Variants in UPRT observed in about 807,000 individuals in gnomAD.
UPRT encodes RP11-311P8.3.
UPRT carries 5 observed loss-of-function variants against 22.6 expected under a neutral mutation model. The ratio of observed to expected loss-of-function variants is 0.22; its 90% CI spans 0.12 to 0.47. The LOEUF (loss-of-function observed/expected upper bound fraction) is 0.47. Ranked by LOEUF, UPRT falls within the 20% of genes least tolerant of loss-of-function variation. UPRT has a pLI of 0.99. For missense variants in UPRT, 181 were observed against 239.9 expected (o/e 0.75, Z 1.62); for synonymous variants, 77 against 87.7 (o/e 0.88, Z 0.68).
chrX:75,196,561 A>G (rs889576984), intron 4 of UPRT, among the ~76,000 whole-genome samples: 1 of 112,289 alleles, frequency 8.9e-6, no homozygotes, highest in Non-Finnish European at 1.9e-5. Context: ...ATAATAATAG[A>G]AAGAGGCCGA....
rs59522302 is a variant in UPRT at position 75,180,681 on chromosome X, G to GTTTTTTTTTTTTTTT, written c.-447+12815_-447+12816insTTTTTTTTTTTTTTT. On this transcript the variant is annotated intron_variant, in intron 4 of 13. Transcript: ENST00000652605. ...GTCTTCCATCTTCCCCCTTTTCTCT[G>GTTTTTTTTTTTTTTT]TTTTTTTTTTTTTGTTTTTTTTTTT... Among the ~76,000 whole-genome samples, 4 of 43,902 alleles carry GTTTTTTTTTTTTTTT rather than the reference G, an allele frequency of 9.1e-5. 1 individual carries two copies. Among genetic ancestry groups the GTTTTTTTTTTTTTTT allele is most frequent in the African/African-American group, 2.8e-4 (3 of 10,887 alleles). The allele number at this position is 43,902 out of a possible 115,157, so 38.1% of individuals were successfully genotyped here. A position where few individuals can be genotyped will look rare whatever the true frequency, so the allele number is the denominator to read the frequency against.
chrX:75,222,285 C>T (rs536353701), intron 4 of UPRT, among the ~76,000 whole-genome samples: 8 of 111,888 alleles, frequency 7.2e-5, no homozygotes, highest in African/African-American at 2.3e-4. Context: ...TGGATGAGAA[C>T]TGAAGCCAGC....
At chrX:75,171,322 C>T (rs949407294) in intron 4 of UPRT, among the ~76,000 whole-genome samples, 7 of 111,381 alleles carry the variant, frequency 6.3e-5, no homozygotes, top group Non-Finnish European at 1.1e-4. Flanking sequence ...AAAGCCTTGT[C>T]TTCGAGCTCT....
At chrX:75,197,816 GAA>G (rs1467162495) in intron 4 of UPRT, among the ~76,000 whole-genome samples, 1 of 112,108 alleles carries the variant, frequency 8.9e-6, no homozygotes, top group Non-Finnish European at 1.9e-5. Context: ...GGCTAAAATT[GAA>G]AAGACTAAAA....
intron 4 of UPRT, among the ~76,000 whole-genome samples, chrX:75,227,633 C>T (rs1481683647): frequency 2.7e-5 from 3 of 112,449 alleles, no homozygotes; most frequent in Admixed American, 9.4e-5. Flanking sequence ...AATTCTTTTT[C>T]ATGGGGTACC....
At chrX:75,290,268 C>T (rs1184750903) in intron 1 of UPRT, among the ~76,000 whole-genome samples, 1 of 111,568 alleles carries the variant, frequency 9.0e-6, no homozygotes, top group African/African-American at 3.3e-5. Context: ...ATCTCACACC[C>T]GTTAGAATGG....
At chrX:75,242,057 A>C (rs1485650289) in intron 4 of UPRT, among the ~76,000 whole-genome samples, 1 of 110,772 alleles carries the variant, frequency 9.0e-6, no homozygotes, top group Non-Finnish European at 1.9e-5. Context: ...CCTGTTTCCC[A>C]AAAAGGAATG....
chrX:75,210,778 G>A (rs1164692874), intron 4 of UPRT, among the ~76,000 whole-genome samples: 1 of 110,541 alleles, frequency 9.0e-6, no homozygotes, highest in East Asian at 2.8e-4. Context: ...GATTTGAAAA[G>A]GTGAACATGA....
intron 4 of UPRT, among the ~76,000 whole-genome samples, chrX:75,247,260 G>A (rs2082509927): frequency 9.0e-6 from 1 of 111,475 alleles, no homozygotes; most frequent in African/African-American, 3.3e-5. Flanking sequence ...CACACCGTGT[G>A]TGGGCTGAAG....
At chrX:75,266,689 C>T (rs1054525888) in intron 4 of UPRT, among the ~76,000 whole-genome samples, 3 of 111,459 alleles carry the variant, frequency 2.7e-5, no homozygotes, top group Non-Finnish European at 5.7e-5. Flanking sequence ...GCAATCTACT[C>T]ATCTGACAAA....
At chrX:75,217,847 A>C (rs1267598030) in intron 4 of UPRT, among the ~76,000 whole-genome samples, 1 of 112,286 alleles carries the variant, frequency 8.9e-6, no homozygotes, top group Non-Finnish European at 1.9e-5. Flanking sequence ...TAGAAAGCTG[A>C]AACTGGATCC....
chrX:75,166,491 C>T (rs2082213589), intron 3 of UPRT, among the ~76,000 whole-genome samples: 1 of 111,889 alleles, frequency 8.9e-6, no homozygotes, highest in Non-Finnish European at 1.9e-5. Flanking sequence ...GTTCATGAGA[C>T]TATATAATAG....
At chrX:75,225,305 CAAA>C (rs2082420535) in intron 4 of UPRT, among the ~76,000 whole-genome samples, 1 of 88,653 alleles carries the variant, frequency 1.1e-5, no homozygotes, top group Admixed American at 1.5e-4. Context: ...TCTACAAAAA[CAAA>C]ACCAAAACCA....
At chrX:75,180,695 G>T (rs12387248) in intron 4 of UPRT, among the ~76,000 whole-genome samples, 5,451 of 33,471 alleles carry the variant, frequency 0.16, 240 homozygotes, top group African/African-American at 0.18. Flanking sequence ...TTTTTTTTTT[G>T]TTTTTTTTTT....
intron 4 of UPRT, among the ~76,000 whole-genome samples, chrX:75,179,569 G>T (rs1425065748): frequency 8.8e-6 from 1 of 113,279 alleles, no homozygotes; most frequent in Non-Finnish European, 1.9e-5. Flanking sequence ...GGAGCAGGGG[G>T]TGGTGCTCGT....
At chrX:75,299,934 G>T (rs747535190) in intron 5 of UPRT, 38 bp downstream of exon 5, 2 of 1,184,773 alleles carry the variant, frequency 1.7e-6, no homozygotes, top group Admixed American at 4.6e-5. Context: ...TTTGGTTAGG[G>T]TTTAAATTCA....
At chrX:75,162,358 T>G (rs2082202580) in intron 2 of UPRT, among the ~76,000 whole-genome samples, 1 of 111,531 alleles carries the variant, frequency 9.0e-6, no homozygotes, top group Admixed American at 9.5e-5. Context: ...AAAACTTGTC[T>G]TTTTATCTGT....
intron 4 of UPRT, among the ~76,000 whole-genome samples, chrX:75,199,197 C>T (rs1176688389): frequency 8.9e-6 from 1 of 112,071 alleles, no homozygotes; most frequent in Non-Finnish European, 1.9e-5. Flanking sequence ...ATACACAAGC[C>T]AGGGAGGCTA....
At chrX:75,173,586 A>G (rs942818908) in intron 4 of UPRT, among the ~76,000 whole-genome samples, 35 of 112,621 alleles carry the variant, frequency 3.1e-4, no homozygotes, top group Admixed American at 2.3e-3. Flanking sequence ...CCAGTCTCGC[A>G]CCGTGCGCTC....
Sources: gnomAD v4.1 joint callset for allele counts (sites outside exome capture counted in the v4.1 genomes callset) on GRCh38, gnomAD v4.1.1 for gene constraint, MANE v1.5 for transcripts, NCBI Gene and HGNC (gene_info 2026-07-23, HGNC 2026-07-21) for gene names.